Variants in BLOC1S6 observed in about 807,000 individuals in gnomAD.
BLOC1S6 encodes the protein biogenesis of lysosome-related organelles complex 1 subunit 6.
Under a neutral mutation model 24.7 loss-of-function variants are expected in BLOC1S6, and 24 were observed. That is an observed-to-expected ratio of 0.97 (90% CI 0.70 to 1.37). The LOEUF is 1.37. Among genes scored for constraint, BLOC1S6 ranks in the 40% most tolerant of loss-of-function variants. The probability of loss-of-function intolerance (pLI) is 0.00; values close to 1 mark genes in which losing one functional copy is unlikely to be tolerated. For missense variants in BLOC1S6, 175 were observed against 196.2 expected, an observed-to-expected ratio of 0.89 and a Z score of 0.64; for synonymous variants, 76 against 72.6, an observed-to-expected ratio of 1.05 and a Z score of -0.23.
intron 1 of BLOC1S6, 142 bp downstream of exon 1, chr15:45,587,667 T>C (rs1275684777): frequency 1.2e-6 from 1 of 847,072 alleles, no homozygotes; most frequent in East Asian, 2.6e-5. Flanking sequence ...AGTGCAGAAA[T>C]GGGGAACCGC....
intron 2 of BLOC1S6, among the ~76,000 whole-genome samples, chr15:45,596,097 G>A (rs940039017): frequency 1.3e-4 from 20 of 152,108 alleles, no homozygotes; most frequent in Admixed American, 5.2e-4. Context: ...CACCACGCCC[G>A]GCCTATTCTG....
At chr15:45,587,323 C>A, upstream of BLOC1S6, 1 of 987,708 alleles carries the variant, frequency 1.0e-6, no homozygotes, top group Non-Finnish European at 1.6e-6. Context: ...GTTTTTTCGC[C>A]CCCGTCACTT....
rs1350513775 is a variant in BLOC1S6, at chr15:45,608,237, T to A, written c.*1723T>A. 1 of 152,668 alleles carries A rather than the reference T, an allele frequency of 6.6e-6. No individual in the cohort carries two copies. The highest frequency in any genetic ancestry group is 1.5e-5 in the Non-Finnish European group (1 of 68,034). The allele number at this position is 152,668 out of a possible 1,614,324, so 9.5% of individuals were successfully genotyped here. ...AATTGTTGGAAAAGAGCATTTGCCT[T>A]CTTTAATGAATGATGGTCTCACAAT... On this transcript the variant is annotated 3_prime_UTR_variant, in exon 5 of 5. Coordinates refer to ENST00000220531, the MANE Select transcript of BLOC1S6 (RefSeq NM_012388.4).
At chr15:45,596,822 C>T (rs144873347) in intron 2 of BLOC1S6, among the ~76,000 whole-genome samples, 13 of 151,900 alleles carry the variant, frequency 8.6e-5, no homozygotes, top group East Asian at 3.9e-4. Context: ...ATTATAGGTG[C>T]GCGCCACCAC....
At chr15:45,602,374 A>G in intron 2 of BLOC1S6, 1 of 687,546 alleles carries the variant, frequency 1.5e-6, no homozygotes, top group Non-Finnish European at 2.6e-6. Flanking sequence ...TAAAATATTC[A>G]GGTAGGTGAC....
chr15:45,597,960 C>G (rs772660178), intron 2 of BLOC1S6: 2 of 317,462 alleles, frequency 6.3e-6, no homozygotes, highest in South Asian at 4.8e-5. Context: ...CAAACCGAAT[C>G]CAGCAGCACA....
chr15:45,587,540 G>A lies in BLOC1S6; in HGVS notation c.82+15G>A, dbSNP rs539864547. ...GCCGACGCCTGGTACGTACTATCGG[G>A]TGGGAAGCGCGGCCCGGGCTGGGTG... On this transcript the variant is annotated intron_variant, in intron 1 of 4. Transcript: ENST00000220531. 1.3e-6 allele frequency: 2 copies of A among 1,562,404 alleles called. No individual in the cohort carries two copies. The highest frequency in any genetic ancestry group is 2.7e-5 in the African/African-American group (2 of 73,816).
chr15:45,587,411 T>C lies in BLOC1S6; in HGVS notation c.-33T>C. ...GCCTTGCTTCTGACGAGCCACACGTTTGCTTCTTCCCTGTGTTCCCAGCTG... is the reference window on the plus strand; with the variant it reads ...GCCTTGCTTCTGACGAGCCACACGTCTGCTTCTTCCCTGTGTTCCCAGCTG... On this transcript the variant is annotated 5_prime_UTR_variant, in exon 1 of 5. Coordinates refer to ENST00000220531, the MANE Select transcript of BLOC1S6 (RefSeq NM_012388.4). 1 of 1,551,346 alleles carries C rather than the reference T, an allele frequency of 6.4e-7. No homozygotes were observed. Among genetic ancestry groups the C allele is most frequent in the Non-Finnish European group, 8.7e-7 (1 of 1,144,130 alleles).
rs778005816 is a variant in BLOC1S6, at chr15:45,609,077, A to G, written c.*2563A>G. 4.6e-5 allele frequency: 7 copies of G among 152,242 alleles called. No individual in the cohort carries two copies. The highest frequency in any genetic ancestry group is 7.2e-5 in the African/African-American group (3 of 41,462). 9.4% of individuals were successfully genotyped at this position (152,242 alleles called of 1,614,324 possible). On this transcript the variant is annotated 3_prime_UTR_variant, in exon 5 of 5. Coordinates refer to ENST00000220531, the MANE Select transcript of BLOC1S6 (RefSeq NM_012388.4). ...AATGTGAAAATAAATATATATTAGT[A>G]TCCTTTATTTTAAAGTCAATTGTAA...
At chr15:45,591,515 C>T (rs1009851937) in intron 1 of BLOC1S6, among the ~76,000 whole-genome samples, 2 of 152,076 alleles carry the variant, frequency 1.3e-5, no homozygotes, top group East Asian at 3.9e-4. Context: ...TCGCTGCAGC[C>T]ATGAACTTCT....
rs1172229421 is a variant in BLOC1S6 at position 45,587,533 on chromosome 15, CT to C, written c.82+9del. ...CCGGGGAGCCGACGCCTGGTACGTA[CT>C]ATCGGGTGGGAAGCGCGGCCCGGGC... On this transcript the variant is annotated intron_variant, in intron 1 of 4. Coordinates refer to ENST00000220531, the MANE Select transcript of BLOC1S6 (RefSeq NM_012388.4). 6.4e-7 allele frequency: 1 copy of C among 1,567,684 alleles called. No individual in the cohort carries two copies. The highest frequency in any genetic ancestry group is 8.6e-7 in the Non-Finnish European group (1 of 1,157,624).
intron 3 of BLOC1S6, among the ~76,000 whole-genome samples, chr15:45,604,366 T>C (rs1234538630): frequency 1.3e-5 from 2 of 152,186 alleles, no homozygotes; most frequent in African/African-American, 4.8e-5. Flanking sequence ...TGGAAGTAAA[T>C]ACAGAGCCAT....
At chr15:45,592,721 G>A (rs1308639661) in intron 2 of BLOC1S6, among the ~76,000 whole-genome samples, 1 of 152,162 alleles carries the variant, frequency 6.6e-6, no homozygotes, top group African/African-American at 2.4e-5. Context: ...ATTCCCAGTA[G>A]ATAACTTTAC....
chr15:45,592,050 T>C, intron 1 of BLOC1S6, 85 bp from the exon 2 acceptor site: 1 of 1,487,574 alleles, frequency 6.7e-7, no homozygotes, highest in Non-Finnish European at 9.2e-7. Flanking sequence ...TCTTTGTTCC[T>C]TCTCTAATCC....
At chr15:45,587,838 G>A (rs1433887553) in intron 1 of BLOC1S6, 1 of 686,386 alleles carries the variant, frequency 1.5e-6, no homozygotes, top group Admixed American at 2.1e-5. Flanking sequence ...GGTGGGGGAT[G>A]GATTTACCAG....
intron 2 of BLOC1S6, among the ~76,000 whole-genome samples, chr15:45,602,772 A>G (rs529011153): frequency 5.1e-4 from 78 of 152,310 alleles, no homozygotes; most frequent in African/African-American, 1.7e-3. Flanking sequence ...AAAACATTGA[A>G]CTTCTTGGGC....
chr15:45,587,525 G>A lies in BLOC1S6; in HGVS notation c.82G>A (p.Gly28Ser), dbSNP rs1893719499. Residue 28 changes from glycine to serine, a missense_variant and splice_region_variant, in exon 1 of 5, where the codon GGT becomes AGT. Physicochemically the swap from Gly to Ser is moderately conservative, Grantham distance 56 (BLOSUM62 0). Transcript: ENST00000220531. The part of the protein sequence containing the change: ...YCLEAGEPTP[G>S]LSDTSPDEGL... Reference sequence around the variant, plus strand: ...CCTGGAGGCCGGGGAGCCGACGCCTGGTACGTACTATCGGGTGGGAAGCGC... The same window carrying A: ...CCTGGAGGCCGGGGAGCCGACGCCTAGTACGTACTATCGGGTGGGAAGCGC... 6.4e-7 allele frequency: 1 copy of A among 1,571,948 alleles called. No individual in the cohort carries two copies.
At chr15:45,601,607 C>T (rs1894272187) in intron 2 of BLOC1S6, among the ~76,000 whole-genome samples, 1 of 151,668 alleles carries the variant, frequency 6.6e-6, no homozygotes, top group Non-Finnish European at 1.5e-5. Context: ...GTGATTACTG[C>T]TCTTTCATGA....
chr15:45,602,302 C>A (rs1323336508), intron 2 of BLOC1S6: 2 of 613,658 alleles, frequency 3.3e-6, no homozygotes, highest in Non-Finnish European at 5.8e-6. Context: ...TTTTTTTTAT[C>A]ATTATTCTCT....
Sources: allele counts gnomAD v4.1 joint callset (sites outside exome capture counted in the v4.1 genomes callset), GRCh38; gene constraint gnomAD v4.1.1; transcripts MANE v1.5; gene names NCBI Gene and HGNC (gene_info 2026-07-23, HGNC 2026-07-21).